Variants in DIP2B observed in about 807,000 individuals in gnomAD.
The protein encoded by DIP2B is DIP2 acetate--CoA ligase B (putative), also known as disco-interacting protein 2 homolog B.
Under a neutral mutation model 198.0 loss-of-function variants are expected in DIP2B, and 76 were observed. That is an observed-to-expected ratio of 0.38 (90% confidence interval 0.32 to 0.46). DIP2B has a LOEUF of 0.46. DIP2B is among the 20% of genes least tolerant of loss of function. DIP2B has a pLI of 0.99. For missense variants in DIP2B, 1,559 were observed against 1,978.4 expected, an observed-to-expected ratio of 0.79 and a Z score of 4.02; for synonymous variants, 701 against 739.1, an observed-to-expected ratio of 0.95 and a Z score of 0.84.
chr12:50,730,426 C>T (rs1360909393), intron 30 of DIP2B, among the ~76,000 whole-genome samples: 1 of 149,504 alleles, frequency 6.7e-6, no homozygotes, highest in African/African-American at 2.5e-5. Flanking sequence ...AATCTGTCAC[C>T]CAGGCTGGAG....
chr12:50,714,603 T>G lies in DIP2B; in HGVS notation c.2851+7T>G. On this transcript the variant is annotated splice_region_variant and intron_variant, in intron 23 of 37. Transcript: ENST00000301180. ...CCCCGGCAAAAACAACCAGGTAATA[T>G]GCTGGCTTCCAAGACCTGGCACTAA... is the stretch of plus-strand genomic sequence containing the variant. 1.2e-6 allele frequency: 2 copies of G among 1,613,962 alleles called. No homozygotes were observed. Among genetic ancestry groups the G allele is most frequent in the Non-Finnish European group, 1.7e-6 (2 of 1,179,864 alleles).
At chr12:50,716,830 C>T (rs1023174125) in intron 23 of DIP2B, among the ~76,000 whole-genome samples, 1 of 152,082 alleles carries the variant, frequency 6.6e-6, no homozygotes, top group African/African-American at 2.4e-5. Flanking sequence ...AGAGAGCAAC[C>T]TAGCACTTTT....
At chr12:50,544,897 G>A (rs900284237) in intron 1 of DIP2B, among the ~76,000 whole-genome samples, 6 of 152,096 alleles carry the variant, frequency 3.9e-5, no homozygotes, top group Non-Finnish European at 7.4e-5. Flanking sequence ...GATTACAGGC[G>A]TGAGCCACCG....
chr12:50,605,181 G>A (rs1056909497), intron 1 of DIP2B, among the ~76,000 whole-genome samples: 13 of 152,210 alleles, frequency 8.5e-5, no homozygotes, highest in Middle Eastern at 3.4e-3. Context: ...TATAATTCAC[G>A]TATCATACAA....
At chr12:50,599,032 G>A (rs185926370) in intron 1 of DIP2B, among the ~76,000 whole-genome samples, 1 of 142,274 alleles carries the variant, frequency 7.0e-6, no homozygotes, top group African/African-American at 2.6e-5. Flanking sequence ...GCTCAGGCCT[G>A]TAATCCCAGC....
intron 3 of DIP2B, 87 bp from the exon 4 acceptor site, chr12:50,660,105 TAA>T: frequency 8.4e-7 from 1 of 1,190,186 alleles, no homozygotes; most frequent in Admixed American, 3.1e-5. Context: ...TTTTTTTTTT[TAA>T]ACAATTGAGG....
At chr12:50,563,509 A>T (rs1372522554) in intron 1 of DIP2B, among the ~76,000 whole-genome samples, 25 of 74,384 alleles carry the variant, frequency 3.4e-4, no homozygotes, top group African/African-American at 5.0e-4. Flanking sequence ...TTTTTTTTTT[A>T]AAGGCAGTAT....
chr12:50,634,579 CT>C (rs1938123514), intron 2 of DIP2B, among the ~76,000 whole-genome samples: 1 of 152,168 alleles, frequency 6.6e-6, no homozygotes, highest in South Asian at 2.1e-4. Context: ...CGTCACTCTA[CT>C]TAGGGGTTTG....
At chr12:50,657,705 G>C (rs1360504167) in intron 3 of DIP2B, among the ~76,000 whole-genome samples, 2 of 150,790 alleles carry the variant, frequency 1.3e-5, no homozygotes, top group African/African-American at 4.9e-5. Context: ...TTAATTATAA[G>C]GAAATATCAA....
intron 1 of DIP2B, among the ~76,000 whole-genome samples, chr12:50,616,890 G>T (rs1030917732): frequency 6.6e-6 from 1 of 152,208 alleles, no homozygotes; most frequent in South Asian, 2.1e-4. Flanking sequence ...GCCTTTTTCA[G>T]CTTTGCTTTA....
intron 1 of DIP2B, among the ~76,000 whole-genome samples, chr12:50,607,108 CT>C (rs35474259): frequency 1.5e-3 from 213 of 143,950 alleles, no homozygotes; most frequent in Middle Eastern, 7.1e-3. Flanking sequence ...TGCTTGGCTT[CT>C]TTTTTTTTTT....
intron 1 of DIP2B, among the ~76,000 whole-genome samples, chr12:50,538,252 CAG>C (rs769776646): frequency 6.6e-6 from 1 of 151,982 alleles, no homozygotes; most frequent in Non-Finnish European, 1.5e-5. Flanking sequence ...AATTCCACCT[CAG>C]AGGGAGGTTG....
At chr12:50,655,434 G>T (rs1198544764) in intron 3 of DIP2B, among the ~76,000 whole-genome samples, 1 of 152,066 alleles carries the variant, frequency 6.6e-6, no homozygotes, top group East Asian at 1.9e-4. Context: ...CTAACTTTTT[G>T]GTATAGTTTT....
intron 32 of DIP2B, 33 bp downstream of exon 32, chr12:50,732,569 T>C: frequency 6.2e-7 from 1 of 1,612,158 alleles, no homozygotes; most frequent in Non-Finnish European, 8.5e-7. Flanking sequence ...TGTTGACAAA[T>C]GGGAGAGGAA....
At chr12:50,525,752 A>G (rs561009321) in intron 1 of DIP2B, among the ~76,000 whole-genome samples, 5 of 152,234 alleles carry the variant, frequency 3.3e-5, no homozygotes, top group East Asian at 1.9e-4. Flanking sequence ...GGCTCAAGCC[A>G]TCCTCCCACC....
Position 50,724,804 on chromosome 12 carries a change from T to C in DIP2B, c.3318T>C (p.Ser1106=). 1 of 1,614,086 alleles carries C rather than the reference T, an allele frequency of 6.2e-7. No individual in the cohort carries two copies. Among genetic ancestry groups the C allele is most frequent in the Non-Finnish European group, 8.5e-7 (1 of 1,179,996 alleles). ...GCAAAGCAGCCTGTATTCTCACCAG[T>C]CAGACCCTAATGAGGCTACTGAGGT... ...DVSKAACILT[S]QTLMRLLRSR... is the part of the protein sequence containing the mutation. Residue 1106 remains serine (S), a synonymous_variant, in exon 28 of 38, where the codon AGT becomes AGC. Transcript: ENST00000301180.
At chr12:50,525,582 A>G (rs1958156731) in intron 1 of DIP2B, among the ~76,000 whole-genome samples, 1 of 143,378 alleles carries the variant, frequency 7.0e-6, no homozygotes. Context: ...GTGTACATGG[A>G]GCTCACTGCA....
chr12:50,684,000 C>T (rs960217605), intron 10 of DIP2B, among the ~76,000 whole-genome samples: 1 of 151,952 alleles, frequency 6.6e-6, no homozygotes, highest in South Asian at 2.1e-4. Context: ...GTAGTCCCAG[C>T]TATTTGAGAA....
intron 36 of DIP2B, among the ~76,000 whole-genome samples, chr12:50,739,989 G>A (rs1940212103): frequency 6.6e-6 from 1 of 152,198 alleles, no homozygotes; most frequent in South Asian, 2.1e-4. Flanking sequence ...GTTCCAAGGA[G>A]CCATCTTGCT....
Sources: gnomAD v4.1 joint callset for allele counts (sites outside exome capture counted in the v4.1 genomes callset) on GRCh38, gnomAD v4.1.1 for gene constraint, MANE v1.5 for transcripts, NCBI Gene and HGNC (gene_info 2026-07-23, HGNC 2026-07-21) for gene names.